The following FRMD5 variants were observed in gnomAD, a reference collection of about 807,000 sequenced individuals.
FRMD5 encodes the protein FERM domain containing 5.
In FRMD5, 20 loss-of-function variants were observed where a neutral mutation model predicts 69.0. The observed-to-expected ratio is 0.29, with a 90% CI of 0.20 to 0.42. The LOEUF (loss-of-function observed/expected upper bound fraction) is 0.42, where lower values mean the gene tolerates loss of function less well. FRMD5 is among the 10% of genes least tolerant of loss of function. FRMD5 has a pLI of 1.00. For missense variants in FRMD5, 595 were observed against 708.6 expected, an observed-to-expected ratio of 0.84 and a Z score of 1.82; for synonymous variants, 271 against 260.1, an observed-to-expected ratio of 1.04 and a Z score of -0.40.
intron 1 of FRMD5, among the ~76,000 whole-genome samples, chr15:44,169,569 A>C (rs1294083747): frequency 6.6e-6 from 1 of 152,142 alleles, no homozygotes; most frequent in African/African-American, 2.4e-5. Context: ...CTTTCCAGGA[A>C]ATGTCAGTGG....
intron 1 of FRMD5, among the ~76,000 whole-genome samples, chr15:44,150,329 T>C (rs2077423184): frequency 6.6e-6 from 1 of 150,840 alleles, no homozygotes; most frequent in South Asian, 2.1e-4. Context: ...GAATAAGAAA[T>C]AAGTCATAGA....
chr15:44,051,925 C>A (rs1362229990), intron 1 of FRMD5, among the ~76,000 whole-genome samples: 1 of 151,922 alleles, frequency 6.6e-6, no homozygotes, highest in Non-Finnish European at 1.5e-5. Flanking sequence ...TAATGCTGAT[C>A]TTCATTGCCT....
chr15:43,927,628 G>T (rs1206237829), intron 1 of FRMD5, among the ~76,000 whole-genome samples: 2 of 152,044 alleles, frequency 1.3e-5, no homozygotes, highest in African/African-American at 4.8e-5. Flanking sequence ...CTCTCTCAGA[G>T]CAACTGAAAT....
intron 1 of FRMD5, among the ~76,000 whole-genome samples, chr15:44,033,883 T>G (rs573752521): frequency 6.6e-6 from 1 of 152,332 alleles, no homozygotes; most frequent in Non-Finnish European, 1.5e-5. Flanking sequence ...CATTTATGTT[T>G]GAGGCTTGGC....
chr15:44,027,258 A>G (rs1325131200), intron 1 of FRMD5, among the ~76,000 whole-genome samples: 1 of 152,210 alleles, frequency 6.6e-6, no homozygotes, highest in African/African-American at 2.4e-5. Context: ...CTGTATGCAT[A>G]GCATTTATTT....
intron 1 of FRMD5, among the ~76,000 whole-genome samples, chr15:43,994,902 C>T (rs1339817859): frequency 6.6e-6 from 1 of 152,168 alleles, no homozygotes; most frequent in African/African-American, 2.4e-5. Flanking sequence ...TGAAGAACTC[C>T]GTTCAGCCGT....
intron 1 of FRMD5, among the ~76,000 whole-genome samples, chr15:44,134,125 G>GTT (rs1054909053): frequency 6.8e-6 from 1 of 146,876 alleles, no homozygotes; most frequent in Non-Finnish European, 1.5e-5. Context: ...CAAATACTTT[G>GTT]TTTTTTTTTT....
At chr15:44,167,626 G>A (rs1369004063) in intron 1 of FRMD5, among the ~76,000 whole-genome samples, 1 of 150,914 alleles carries the variant, frequency 6.6e-6, no homozygotes, top group Non-Finnish European at 1.5e-5. Context: ...GTCTTGCTCT[G>A]TTGCCCAGGC....
chr15:44,026,273 A>G (rs12324261), intron 1 of FRMD5, among the ~76,000 whole-genome samples: 137,311 of 152,284 alleles, frequency 0.9, 62,464 homozygotes, highest in East Asian at 1. Context: ...GAACCCCCAC[A>G]TCTGGCCTCT....
At chr15:43,931,044 A>C (rs888356448) in intron 1 of FRMD5, among the ~76,000 whole-genome samples, 5 of 152,208 alleles carry the variant, frequency 3.3e-5, no homozygotes, top group Admixed American at 6.5e-5. Context: ...TTCAAGAGAC[A>C]AGGTGTCTCA....
intron 1 of FRMD5, among the ~76,000 whole-genome samples, chr15:44,121,503 G>C (rs571440442): frequency 6.6e-6 from 1 of 152,144 alleles, no homozygotes; most frequent in Admixed American, 6.5e-5. Context: ...TCTAAATGTA[G>C]CAAGATTTAA....
chr15:43,875,769 A>G (rs2088326076), intron 13 of FRMD5: 1 of 563,872 alleles, frequency 1.8e-6, no homozygotes, highest in Non-Finnish European at 3.1e-6. Flanking sequence ...TTTGTTAAAG[A>G]TTCTGCCTTT....
At chr15:44,005,076 G>T (rs1409306697) in intron 1 of FRMD5, among the ~76,000 whole-genome samples, 1 of 152,212 alleles carries the variant, frequency 6.6e-6, no homozygotes, top group African/African-American at 2.4e-5. Context: ...TTCTGTGAAG[G>T]CTGAGAGAGA....
intron 1 of FRMD5, among the ~76,000 whole-genome samples, chr15:43,999,858 GAT>G (rs1408489348): frequency 3.2e-5 from 2 of 62,678 alleles, no homozygotes; most frequent in African/African-American, 4.4e-5. Flanking sequence ...CTATATCACA[GAT>G]ATATGTGTGA....
chr15:44,158,579 A>C (rs538593273), intron 1 of FRMD5, among the ~76,000 whole-genome samples: 1 of 152,320 alleles, frequency 6.6e-6, no homozygotes, highest in African/African-American at 2.4e-5. Flanking sequence ...CTCATGACCC[A>C]ACCCATTACT....
chr15:44,126,045 C>A (rs939318562), intron 1 of FRMD5, among the ~76,000 whole-genome samples: 11 of 152,178 alleles, frequency 7.2e-5, no homozygotes, highest in East Asian at 5.8e-4. Flanking sequence ...ATCAAAAAAA[C>A]CAATATAAGT....
intron 1 of FRMD5, among the ~76,000 whole-genome samples, chr15:43,977,910 C>G (rs547021800): frequency 4.2e-4 from 64 of 152,196 alleles, no homozygotes; most frequent in African/African-American, 1.4e-3. Flanking sequence ...CAGTAACAAC[C>G]CTGACTACAA....
chr15:44,177,749 G>C (rs950147705), intron 1 of FRMD5, among the ~76,000 whole-genome samples: 41 of 152,166 alleles, frequency 2.7e-4, no homozygotes, highest in African/African-American at 8.7e-4. Flanking sequence ...TATGCTAAGT[G>C]AAAGAAGCCA....
chr15:44,170,320 C>T (rs572619646), intron 1 of FRMD5, among the ~76,000 whole-genome samples: 3 of 152,176 alleles, frequency 2.0e-5, no homozygotes, highest in East Asian at 3.9e-4. Context: ...GTCGGCAGTT[C>T]GAGACCAGCC....
Sources: allele counts gnomAD v4.1 joint callset (sites outside exome capture counted in the v4.1 genomes callset), GRCh38; gene constraint gnomAD v4.1.1; transcripts MANE v1.5; gene names NCBI Gene and HGNC (gene_info 2026-07-23, HGNC 2026-07-21).